Variants in DGKI observed in about 807,000 individuals in gnomAD.
DGKI encodes the protein DAG kinase iota.
A neutral mutation model predicts 147.5 loss-of-function variants in DGKI; 55 were observed. The observed-to-expected ratio is 0.37, with a 90% CI of 0.30 to 0.47. The LOEUF is 0.47. Among genes scored for constraint, DGKI ranks in the 20% least tolerant of loss-of-function variants. The probability of loss-of-function intolerance (pLI) is 1.00; values close to 1 mark genes in which losing one functional copy is unlikely to be tolerated. For missense variants in DGKI, 1,007 were observed against 1,323.8 expected (o/e 0.76, Z 3.71); for synonymous variants, 469 against 477.1 (o/e 0.98, Z 0.22).
At position 137,385,086 on chromosome 7, in the gene DGKI, C is replaced by T. The variant is rs965014515; in HGVS notation, c.*6134G>A. On this transcript the variant is annotated 3_prime_UTR_variant, in exon 33 of 33. Transcript: ENST00000614521. ...ACTCTTAGAATATCAAACCACAGCA[C>T]TTTTTTATATTGGATGGACAGTAAG... 1 of 151,964 alleles carries T rather than the reference C, an allele frequency of 6.6e-6. No individual in the cohort carries two copies. The highest frequency in any genetic ancestry group is 1.5e-5 in the Non-Finnish European group (1 of 67,986). The allele number at this position is 151,964 out of a possible 1,614,324, so 9.4% of individuals were successfully genotyped here.
intron 1 of DGKI, among the ~76,000 whole-genome samples, chr7:137,745,288 TCCTTGGGGAA>T (rs1795290236): frequency 6.6e-6 from 1 of 152,152 alleles, no homozygotes; most frequent in Non-Finnish European, 1.5e-5. Flanking sequence ...CTCTCTCTCC[TCCTTGGGGAA>T]GACTACGTCC....
At chr7:137,828,437 TA>T (rs1798123920) in intron 1 of DGKI, among the ~76,000 whole-genome samples, 1 of 152,226 alleles carries the variant, frequency 6.6e-6, no homozygotes, top group Non-Finnish European at 1.5e-5. Flanking sequence ...TGCTTTTTTT[TA>T]AGTACTTTTT....
At chr7:137,799,695 T>C (rs1238741019) in intron 1 of DGKI, among the ~76,000 whole-genome samples, 1 of 152,172 alleles carries the variant, frequency 6.6e-6, no homozygotes, top group Non-Finnish European at 1.5e-5. Flanking sequence ...AAAATCTGCT[T>C]CTGATGTAAG....
intron 29 of DGKI, 41 bp downstream of exon 29, chr7:137,412,129 T>C (rs1446132421): frequency 2.5e-6 from 4 of 1,576,456 alleles, no homozygotes; most frequent in Non-Finnish European, 3.5e-6. Context: ...GATTTAAAGT[T>C]CTTAAAGCAT....
intron 1 of DGKI, among the ~76,000 whole-genome samples, chr7:137,808,205 T>C (rs1437331863): frequency 6.6e-6 from 1 of 152,352 alleles, no homozygotes; most frequent in African/African-American, 2.4e-5. Flanking sequence ...GGTGTTGTTA[T>C]TTCCCATTTT....
At chr7:137,454,619 G>T (rs574265168) in intron 27 of DGKI, 3 of 152,318 alleles carry the variant, frequency 2.0e-5, no homozygotes, top group Non-Finnish European at 2.9e-5. Context: ...CAGCACAGTT[G>T]TGAAGCAATA....
rs192183744 is a variant in DGKI, at chr7:137,446,674, C to T, written c.2736-2572G>A. Among the ~76,000 whole-genome samples the T allele has an allele frequency of 4.1e-3, 628 of 151,996 alleles. 9 individuals carry two copies. The highest frequency in any genetic ancestry group is 6.6e-3 in the Non-Finnish European group (451 of 67,982). The stretch of plus-strand genomic sequence containing the variant: ...CTGGGAGGCAGAGGTTGCAGTGAGC[C>T]GAGACCGCGCCATTGCACTCCAGCC... On this transcript the variant is annotated intron_variant, in intron 27 of 32. Transcript: ENST00000614521.
In DGKI at chr7:137,393,235, A is replaced by T. The variant is rs13221902; in HGVS notation, c.3058-1899T>A. On this transcript the variant is annotated intron_variant, in intron 32 of 32. Coordinates refer to ENST00000614521, the MANE Select transcript of DGKI (RefSeq NM_001321708.2). ...AAACAAGCTATTTCCATTTTTTTTT[A>T]AAAAAAGCAGACACATACACAACAC... is the stretch of plus-strand genomic sequence containing the variant. 2.8e-3 allele frequency among the ~76,000 whole-genome samples: 328 copies of T among 118,866 alleles called. 3 individuals carry two copies. Among genetic ancestry groups the T allele is most frequent in the Non-Finnish European group, 3.1e-3 (157 of 51,092 alleles). 78.0% of individuals were successfully genotyped at this position (118,866 alleles called of 152,430 possible).
intron 21 of DGKI, among the ~76,000 whole-genome samples, chr7:137,507,239 A>C (rs1816398964): frequency 6.6e-6 from 1 of 152,232 alleles, no homozygotes; most frequent in South Asian, 2.1e-4. Context: ...GATTAAAAGT[A>C]ATTATAGAGT....
intron 1 of DGKI, among the ~76,000 whole-genome samples, chr7:137,842,956 T>C (rs1798589985): frequency 6.6e-6 from 1 of 152,096 alleles, no homozygotes; most frequent in African/African-American, 2.4e-5. Context: ...GACAGAGAGC[T>C]CAAGCCTAAA....
At chr7:137,616,093 C>T (rs1452317486) in intron 8 of DGKI, among the ~76,000 whole-genome samples, 3 of 152,076 alleles carry the variant, frequency 2.0e-5, no homozygotes, top group Admixed American at 6.6e-5. Context: ...AGGCTGGCTA[C>T]AGAAAGATAG....
At chr7:137,496,863 A>C (rs1474202734) in intron 21 of DGKI, among the ~76,000 whole-genome samples, 1 of 152,188 alleles carries the variant, frequency 6.6e-6, no homozygotes, top group African/African-American at 2.4e-5. Flanking sequence ...TAACCTAGGA[A>C]ATATCATTCT....
At chr7:137,428,012 A>G (rs1357829604) in intron 28 of DGKI, among the ~76,000 whole-genome samples, 10 of 150,676 alleles carry the variant, frequency 6.6e-5, no homozygotes, top group African/African-American at 2.2e-4. Flanking sequence ...AACTATTCCA[A>G]TCAATAGAAA....
intron 19 of DGKI, among the ~76,000 whole-genome samples, chr7:137,564,970 CTA>C (rs1304970170): frequency 6.6e-6 from 1 of 152,180 alleles, no homozygotes; most frequent in Non-Finnish European, 1.5e-5. Flanking sequence ...TCCAGGAACT[CTA>C]TATGCCGCTC....
At chr7:137,526,006 G>T (rs953066648) in intron 20 of DGKI, among the ~76,000 whole-genome samples, 3 of 151,870 alleles carry the variant, frequency 2.0e-5, no homozygotes, top group Non-Finnish European at 4.4e-5. Flanking sequence ...TAGAACATGG[G>T]GGAGTCGGGG....
At chr7:137,599,569 A>G (rs1156464190) in intron 11 of DGKI, among the ~76,000 whole-genome samples, 1 of 152,228 alleles carries the variant, frequency 6.6e-6, no homozygotes, top group Non-Finnish European at 1.5e-5. Context: ...AATAACCTAC[A>G]GTTACACATA....
At chr7:137,765,105 G>A (rs1392213956) in intron 1 of DGKI, among the ~76,000 whole-genome samples, 1 of 152,204 alleles carries the variant, frequency 6.6e-6, no homozygotes, top group Non-Finnish European at 1.5e-5. Flanking sequence ...GGCGCCAGGT[G>A]CAGTCCAACC....
rs756713023 is a variant in DGKI at position 137,846,550 on chromosome 7, C to T, written c.313G>A (p.Glu105Lys). ...AAAAGAAALD[E>K]PAAAGQKEKD... ...TCCTTCTGGCCGGCGGCCGCGGGCT[C>T]GTCCAGGGCAGCGGCCCCCGCCGCC... Residue 105 changes from glutamate (E) to lysine (K), a missense_variant, in exon 1 of 33, where the codon GAG becomes AAG. Physicochemically the swap from Glu to Lys is moderately conservative, Grantham distance 56. Transcript: ENST00000614521. The surrounding 1 kb of genome is among the most constrained non-coding windows in gnomAD (Gnocchi z 4.0). 2 of 1,510,310 alleles carry T rather than the reference C, an allele frequency of 1.3e-6. No homozygotes were observed. Among genetic ancestry groups the T allele is most frequent in the East Asian group, 2.8e-5 (1 of 35,558 alleles). 93.6% of individuals were successfully genotyped at this position (1,510,310 alleles called of 1,614,324 possible).
intron 1 of DGKI, among the ~76,000 whole-genome samples, chr7:137,700,623 A>T (rs931464025): frequency 3.3e-5 from 5 of 152,206 alleles, no homozygotes; most frequent in Admixed American, 6.5e-5. Context: ...TATGCCTGTA[A>T]TCCCAGCACT....
Sources: gnomAD v4.1 joint callset for allele counts (sites outside exome capture counted in the v4.1 genomes callset) on GRCh38, gnomAD v4.1.1 for gene constraint, Gnocchi (gnomAD v3.1) non-coding constraint, MANE v1.5 for transcripts, NCBI Gene and HGNC (gene_info 2026-07-23, HGNC 2026-07-21) for gene names.